Variants in PAK4 observed in about 807,000 individuals in gnomAD.
PAK4 encodes the protein p21 (RAC1) activated kinase 4, also known as serine/threonine-protein kinase PAK 4.
Under a neutral mutation model 53.5 loss-of-function variants are expected in PAK4, and 49 were observed. That is an observed-to-expected ratio of 0.92 (90% CI 0.73 to 1.16). PAK4 has a LOEUF of 1.16. Among genes scored for constraint, PAK4 ranks in the 50% most tolerant of loss-of-function variants. The pLI is 0.00. For synonymous variants in PAK4, 376 were observed against 375.6 expected (o/e 1.00, Z -0.01); for missense variants, 824 against 850.7 (o/e 0.97, Z 0.39).
At chr19:39,179,216 T>C (rs1021066333) in exon 9 of PAK4, 1 of 152,368 alleles carries the variant, frequency 6.6e-6, no homozygotes, top group Non-Finnish European at 1.5e-5. Flanking sequence ...TTTCTAGAAG[T>C]CTATTTATAT....
intron 1 of PAK4, among the ~76,000 whole-genome samples, chr19:39,144,105 T>C (rs1345383806): frequency 1.0e-5 from 1 of 98,652 alleles, no homozygotes. Context: ...GGTAGATAGA[T>C]AGATAGATAG....
At chr19:39,135,496 C>T (rs1037713212) in intron 1 of PAK4, among the ~76,000 whole-genome samples, 21 of 151,938 alleles carry the variant, frequency 1.4e-4, no homozygotes, top group African/African-American at 4.4e-4. Context: ...CCACCACGCA[C>T]GGCTAATTTT....
intron 2 of PAK4, among the ~76,000 whole-genome samples, chr19:39,172,107 C>T (rs1040080915): frequency 6.6e-6 from 1 of 152,072 alleles, no homozygotes; most frequent in South Asian, 2.1e-4. Context: ...AGAAGCCTCA[C>T]TGAGAAGCTG....
chr19:39,173,491 TCCC>T lies in PAK4; in HGVS notation c.664-84_664-82del. On this transcript the variant is annotated intron_variant, in intron 3 of 8. Transcript: ENST00000358301. This position sits in a 1 kb window ranked among gnomAD's most constrained non-coding sequence, Gnocchi z 6.9. ...CTCATCCTGACCACCCATGTGTCTGTCCCATCGCTGGGTCTCTCTCCTGCTTAG... is the reference window on the plus strand; with the variant it reads ...CTCATCCTGACCACCCATGTGTCTGTATCGCTGGGTCTCTCTCCTGCTTAG... The T allele has an allele frequency of 7.4e-7, 1 of 1,352,120 alleles. No individual in the cohort carries two copies. Among genetic ancestry groups the T allele is most frequent in the Non-Finnish European group, 1.0e-6 (1 of 992,794 alleles). 83.8% of individuals were successfully genotyped at this position (1,352,120 alleles called of 1,614,324 possible).
At chr19:39,169,850 T>G in intron 2 of PAK4, 93 bp downstream of exon 3, 1 of 810,612 alleles carries the variant, frequency 1.2e-6, no homozygotes, top group Non-Finnish European at 1.8e-6. Flanking sequence ...GACCGACACC[T>G]CCTCACTGAC....
At chr19:39,125,870 G>C (rs2073564999) in exon 1 of PAK4, 1 of 153,102 alleles carries the variant, frequency 6.5e-6, no homozygotes, top group Admixed American at 6.5e-5. Flanking sequence ...GCGAGGGCGC[G>C]GAGTTCCAGG....
chr19:39,145,466 A>T (rs2073984176), intron 1 of PAK4, among the ~76,000 whole-genome samples: 1 of 152,056 alleles, frequency 6.6e-6, no homozygotes, highest in African/African-American at 2.4e-5. Context: ...CCCTGGCCAG[A>T]GGAAAGCAGC....
At chr19:39,149,252 A>G (rs1284979140) in intron 1 of PAK4, among the ~76,000 whole-genome samples, 2 of 152,262 alleles carry the variant, frequency 1.3e-5, no homozygotes, top group East Asian at 1.9e-4. Context: ...CTCCGTGTCC[A>G]TCAGTGGATG....
At chr19:39,158,329 G>T (rs1396272595) in intron 1 of PAK4, among the ~76,000 whole-genome samples, 1 of 152,088 alleles carries the variant, frequency 6.6e-6, no homozygotes, top group African/African-American at 2.4e-5. Context: ...TTGCTGCCTG[G>T]TGTATGTCCT....
chr19:39,133,248 G>A (rs546083492), intron 1 of PAK4, among the ~76,000 whole-genome samples: 1 of 152,354 alleles, frequency 6.6e-6, no homozygotes, highest in South Asian at 2.1e-4. Context: ...GGATCTAAAT[G>A]TATATTCGGC....
intron 1 of PAK4, among the ~76,000 whole-genome samples, chr19:39,164,859 A>G (rs980188093): frequency 2.0e-5 from 3 of 152,040 alleles, no homozygotes; most frequent in African/African-American, 2.4e-5. Flanking sequence ...GCTCTGGGCC[A>G]TGGGTCCCTT....
chr19:39,143,176 C>T lies in PAK4; in HGVS notation c.-23+17257C>T, dbSNP rs192825476. On this transcript the variant is annotated intron_variant, in intron 1 of 8. Coordinates refer to ENST00000358301, the Ensembl canonical transcript of PAK4. ...TTGTGTTCCCACTAGAATGTCAACT[C>T]CAGGAGAGCAGAGACTCTTGTCTTA... Among the ~76,000 whole-genome samples, 721 of 151,984 alleles carry T rather than the reference C, an allele frequency of 4.7e-3. 4 individuals carry two copies. The highest frequency in any genetic ancestry group is 7.9e-3 in the Non-Finnish European group (537 of 67,984).
rs2074594841 is a variant in PAK4 at position 39,175,881 on chromosome 19, C to T, written c.1359+443C>T. On this transcript the variant is annotated intron_variant, in intron 6 of 8. Coordinates refer to ENST00000358301, the Ensembl canonical transcript of PAK4. This position sits in a 1 kb window ranked among gnomAD's most constrained non-coding sequence, Gnocchi z 4.7. Reference sequence around the variant, plus strand: ...ATTTTCTGTGAGAGAGGGCCCTTGACTTGAATGAAATGCTTGCAGAAGTGG... The same window carrying T: ...ATTTTCTGTGAGAGAGGGCCCTTGATTTGAATGAAATGCTTGCAGAAGTGG... Among the ~76,000 whole-genome samples, 1 of 152,206 alleles carries T rather than the reference C, an allele frequency of 6.6e-6. No individual in the cohort carries two copies. The highest frequency in any genetic ancestry group is 2.1e-4 in the South Asian group (1 of 4,832).
chr19:39,146,120 A>G (rs927578742), intron 1 of PAK4, among the ~76,000 whole-genome samples: 3 of 152,172 alleles, frequency 2.0e-5, no homozygotes, highest in Non-Finnish European at 2.9e-5. Context: ...TCATTCACTC[A>G]TTTTTGTTGA....
intron 1 of PAK4, among the ~76,000 whole-genome samples, chr19:39,133,282 C>G (rs777518177): frequency 2.0e-5 from 3 of 152,196 alleles, no homozygotes; most frequent in Non-Finnish European, 4.4e-5. Context: ...AGTAAGTGCT[C>G]AAAGACTGTT....
chr19:39,152,371 G>GT (rs1568509236), intron 1 of PAK4: 1 of 152,114 alleles, frequency 6.6e-6, no homozygotes, highest in African/African-American at 2.4e-5. Context: ...CACTGTTGCC[G>GT]TATCACAGTG....
At chr19:39,137,503 AG>A (rs1457903349) in intron 1 of PAK4, among the ~76,000 whole-genome samples, 6 of 152,050 alleles carry the variant, frequency 3.9e-5, no homozygotes, top group Non-Finnish European at 8.8e-5. Context: ...TTGGGAGGTG[AG>A]GGGGGCACCA....
chr19:39,137,028 C>T (rs1167584237), intron 1 of PAK4, among the ~76,000 whole-genome samples: 1 of 152,180 alleles, frequency 6.6e-6, no homozygotes, highest in African/African-American at 2.4e-5. Context: ...TTGACAGCTG[C>T]TTGGGCCTCT....
At chr19:39,165,195 G>GATAATAATA (rs71169565) in intron 1 of PAK4, among the ~76,000 whole-genome samples, 10 of 128,432 alleles carry the variant, frequency 7.8e-5, no homozygotes, top group African/African-American at 2.1e-4. Flanking sequence ...TGATGATGAT[G>GATAATAATA]ATAATAATAA....
Sources: allele counts gnomAD v4.1 joint callset (sites outside exome capture counted in the v4.1 genomes callset), GRCh38; gene constraint gnomAD v4.1.1; non-coding constraint Gnocchi (gnomAD v3.1); transcripts MANE v1.5; gene names NCBI Gene and HGNC (gene_info 2026-07-23, HGNC 2026-07-21).